SGCD: variants seen among roughly 807,000 people sequenced by gnomAD.
SGCD encodes sarcoglycan delta, also known as delta-sarcoglycan.
SGCD carries 18 observed loss-of-function variants against 36.6 expected under a neutral mutation model. The ratio of observed to expected loss-of-function variants is 0.49; its 90% CI spans 0.34 to 0.73. The LOEUF (loss-of-function observed/expected upper bound fraction) is 0.73, where lower values mean the gene tolerates loss of function less well. Among genes scored for constraint, SGCD ranks in the 30% least tolerant of loss-of-function variants. The probability of loss-of-function intolerance (pLI) is 0.01; values close to 1 mark genes in which losing one functional copy is unlikely to be tolerated. For missense variants in SGCD, 387 were observed against 346.7 expected (o/e 1.12, Z -0.92); for synonymous variants, 133 against 130.6 (o/e 1.02, Z -0.12).
intron 3 of SGCD, among the ~76,000 whole-genome samples, chr5:156,131,047 A>G (rs1561532283): frequency 6.6e-6 from 1 of 152,200 alleles, no homozygotes. Flanking sequence ...GTATTTTTCT[A>G]ATAATTATGG....
At chr5:155,799,080 C>T in the SGCD span, among the ~76,000 whole-genome samples, 4 of 152,140 alleles carry the variant, frequency 2.6e-5, no homozygotes, top group Non-Finnish European at 5.9e-5. Context: ...CATTATTGTC[C>T]AAGGGACAAA....
rs879806408 is a variant in SGCD, at chr5:156,695,507, AGATG to A, written c.575+47975_575+47978del. ...TCGATAGATAGATAGATAGATAGAT[AGATG>A]GATAGATAGATAGATAGATAGATAG... On this transcript the variant is annotated intron_variant, in intron 7 of 8. Transcript: ENST00000337851. Among the ~76,000 whole-genome samples the A allele has an allele frequency of 4.6e-3, 495 of 106,974 alleles. 1 individual carries two copies. Among genetic ancestry groups the A allele is most frequent in the Middle Eastern group, 8.8e-3 (2 of 228 alleles). 70.2% of individuals were successfully genotyped at this position (106,974 alleles called of 152,430 possible).
chr5:155,755,477 A>G, the SGCD span, among the ~76,000 whole-genome samples: 1 of 152,210 alleles, frequency 6.6e-6, no homozygotes, highest in South Asian at 2.1e-4. Context: ...AGGAAAACAT[A>G]TATTGGCTCT....
chr5:156,634,606 G>A (rs1762754387), intron 6 of SGCD, among the ~76,000 whole-genome samples: 1 of 152,110 alleles, frequency 6.6e-6, no homozygotes, highest in Admixed American at 6.6e-5. Flanking sequence ...GCCAGGATTT[G>A]GGGCTCAGGG....
chr5:156,439,025 A>G (rs1753371965), intron 3 of SGCD, among the ~76,000 whole-genome samples: 1 of 152,092 alleles, frequency 6.6e-6, no homozygotes, highest in South Asian at 2.1e-4. Context: ...ACTTAAGCTC[A>G]GGCAAATATT....
chr5:155,842,507 A>C, the SGCD span, among the ~76,000 whole-genome samples: 1 of 152,058 alleles, frequency 6.6e-6, no homozygotes, highest in Non-Finnish European at 1.5e-5. Flanking sequence ...AGAGAGTCAG[A>C]GGTTGCAGTG....
At chr5:156,616,308 T>G (rs1762018023) in intron 6 of SGCD, among the ~76,000 whole-genome samples, 1 of 152,214 alleles carries the variant, frequency 6.6e-6, no homozygotes, top group Non-Finnish European at 1.5e-5. Context: ...TATAGTGTGC[T>G]GGTTAGCAAA....
intron 7 of SGCD, among the ~76,000 whole-genome samples, chr5:156,693,235 C>T (rs1347442246): frequency 6.6e-6 from 1 of 152,142 alleles, no homozygotes; most frequent in African/African-American, 2.4e-5. Context: ...AATAGCTACA[C>T]AAAGTTCAGA....
intron 7 of SGCD, among the ~76,000 whole-genome samples, chr5:156,653,403 G>A (rs577404038): frequency 6.7e-6 from 1 of 148,288 alleles, no homozygotes; most frequent in South Asian, 2.1e-4. Context: ...AATAGTCTTT[G>A]AGGATCTTTT....
chr5:156,405,675 G>A (rs1772365277), intron 3 of SGCD, among the ~76,000 whole-genome samples: 1 of 152,168 alleles, frequency 6.6e-6, no homozygotes, highest in Non-Finnish European at 1.5e-5. Context: ...CTGAGAAATT[G>A]TCTTCCTCTT....
At chr5:156,588,010 A>G (rs1046682220) in intron 4 of SGCD, among the ~76,000 whole-genome samples, 1 of 151,458 alleles carries the variant, frequency 6.6e-6, no homozygotes, top group African/African-American at 2.4e-5. Context: ...CAAAGCATTG[A>G]GCTATTATTG....
chr5:156,068,861 C>T (rs898151275), intron 1 of SGCD, among the ~76,000 whole-genome samples: 70 of 152,128 alleles, frequency 4.6e-4, no homozygotes, highest in African/African-American at 1.2e-3. Context: ...ATTTGCATTT[C>T]TCTGATAGCC....
intron 3 of SGCD, among the ~76,000 whole-genome samples, chr5:156,417,205 G>A (rs960449170): frequency 2.6e-5 from 4 of 152,092 alleles, no homozygotes; most frequent in Non-Finnish European, 4.4e-5. Flanking sequence ...CATTCCCCAA[G>A]GAAAATCCTC....
chr5:156,594,832 A>G (rs113477341), intron 5 of SGCD, 100 bp from the exon 6 acceptor site: 75 of 774,958 alleles, frequency 9.7e-5, no homozygotes, highest in Middle Eastern at 9.5e-4. Context: ...TGTGTGTTCT[A>G]TGAAAAGCTT....
intron 3 of SGCD, among the ~76,000 whole-genome samples, chr5:156,262,757 G>A (rs1210691685): frequency 1.3e-5 from 2 of 152,048 alleles, no homozygotes; most frequent in African/African-American, 4.8e-5. Context: ...TCATAGCTTA[G>A]CTTCCACTTA....
chr5:156,369,132 T>A (rs2127738283), intron 3 of SGCD, among the ~76,000 whole-genome samples: 1 of 152,318 alleles, frequency 6.6e-6, no homozygotes, highest in African/African-American at 2.4e-5. Context: ...ATAGAAAAGG[T>A]AACATAACAC....
intron 3 of SGCD, among the ~76,000 whole-genome samples, chr5:156,314,351 T>C (rs959132429): frequency 6.6e-6 from 1 of 152,060 alleles, no homozygotes; most frequent in Admixed American, 6.6e-5. Context: ...ACTTTAGGTA[T>C]TTAGGCAGGG....
chr5:156,580,529 G>A (rs1193148330), intron 4 of SGCD, among the ~76,000 whole-genome samples: 2 of 152,124 alleles, frequency 1.3e-5, no homozygotes, highest in African/African-American at 4.8e-5. Context: ...GTCACTTTCA[G>A]GTACACCAAT....
chr5:155,874,827 C>T (rs1187803371), intron 1 of SGCD, among the ~76,000 whole-genome samples: 1 of 152,108 alleles, frequency 6.6e-6, no homozygotes, highest in Non-Finnish European at 1.5e-5. Flanking sequence ...ATACAAAATG[C>T]TACCACTGCT....
Sources: gnomAD v4.1 joint callset for allele counts (sites outside exome capture counted in the v4.1 genomes callset) on GRCh38, gnomAD v4.1.1 for gene constraint, MANE v1.5 for transcripts, NCBI Gene and HGNC (gene_info 2026-07-23, HGNC 2026-07-21) for gene names.